Variants in SLC2A13 observed in about 807,000 individuals in gnomAD.
SLC2A13 encodes proton myo-inositol cotransporter.
A neutral mutation model predicts 64.4 loss-of-function variants in SLC2A13; 32 were observed. The observed-to-expected ratio is 0.50, with a 90% confidence interval of 0.37 to 0.67. The LOEUF is 0.67. Ranked by LOEUF, SLC2A13 falls within the 30% of genes least tolerant of loss-of-function variation. The pLI, the probability that SLC2A13 is intolerant of heterozygous loss-of-function variation, is 0.00. For synonymous variants in SLC2A13, 338 were observed against 327.1 expected, an observed-to-expected ratio of 1.03 and a Z score of -0.36; for missense variants, 743 against 829.2, an observed-to-expected ratio of 0.90 and a Z score of 1.28.
intron 7 of SLC2A13, among the ~76,000 whole-genome samples, chr12:39,823,930 T>A (rs1334530722): frequency 6.6e-6 from 1 of 152,218 alleles, no homozygotes; most frequent in Non-Finnish European, 1.5e-5. Flanking sequence ...AATTTTTTCC[T>A]AAGTTTCCTT....
chr12:40,062,842 A>C (rs1948445873), intron 1 of SLC2A13, among the ~76,000 whole-genome samples: 1 of 152,130 alleles, frequency 6.6e-6, no homozygotes. Context: ...ACCCTGCTTT[A>C]TCTATCTTTA....
intron 6 of SLC2A13, among the ~76,000 whole-genome samples, chr12:39,862,693 G>A (rs921737979): frequency 6.6e-6 from 1 of 152,236 alleles, no homozygotes; most frequent in Middle Eastern, 3.4e-3. Context: ...AAGGGGAAAT[G>A]TATATAGATG....
At chr12:39,999,401 TAATA>T (rs1947287151) in intron 3 of SLC2A13, among the ~76,000 whole-genome samples, 1 of 152,106 alleles carries the variant, frequency 6.6e-6, no homozygotes. Flanking sequence ...CAAGGAATAT[TAATA>T]ATTAATACCC....
chr12:39,759,771 A>T lies in SLC2A13; in HGVS notation c.*255T>A, dbSNP rs925262459. The T allele has an allele frequency of 2.4e-6, 1 of 417,994 alleles. No homozygotes were observed. Among genetic ancestry groups the T allele is most frequent in the Non-Finnish European group, 4.3e-6 (1 of 233,484 alleles). The allele number at this position is 417,994 out of a possible 1,614,324, so 25.9% of individuals were successfully genotyped here. ...TACAATATTCATTTTAGACTATTTC[A>T]GGAAGGCATTACACACATTTGCTTA... On this transcript the variant is annotated 3_prime_UTR_variant, in exon 10 of 10. Transcript: ENST00000280871.
Position 39,756,155 on chromosome 12 carries a change from A to G in SLC2A13, c.*3871T>C, listed in dbSNP as rs1314937555. On this transcript the variant is annotated 3_prime_UTR_variant, in exon 10 of 10. Transcript: ENST00000280871. ...AAGATTGGTAAAAGTGACAGAAAAC[A>G]GGATGTAAAAATTAATCCACAGAAC... The G allele has an allele frequency of 6.6e-6, 1 of 152,018 alleles. No homozygotes were observed. The highest frequency in any genetic ancestry group is 1.5e-5 in the Non-Finnish European group (1 of 67,830). 9.4% of individuals were successfully genotyped at this position (152,018 alleles called of 1,614,324 possible). A position where few individuals can be genotyped will look rare whatever the true frequency, so the allele number is the denominator to read the frequency against.
chr12:39,920,420 G>C (rs1387519489), intron 4 of SLC2A13, among the ~76,000 whole-genome samples: 1 of 152,084 alleles, frequency 6.6e-6, no homozygotes, highest in East Asian at 1.9e-4. Flanking sequence ...AATTCAGACT[G>C]AAGGGTTGGC....
chr12:39,814,753 A>C (rs751619625), intron 7 of SLC2A13, among the ~76,000 whole-genome samples: 6 of 152,232 alleles, frequency 3.9e-5, no homozygotes, highest in Non-Finnish European at 8.8e-5. Context: ...GTAAGAAAGA[A>C]ATTTTAAATT....
chr12:40,026,015 C>T (rs764683886), intron 3 of SLC2A13, among the ~76,000 whole-genome samples: 8 of 152,172 alleles, frequency 5.3e-5, no homozygotes, highest in African/African-American at 1.9e-4. Flanking sequence ...GTTCTGCAGA[C>T]CATGTTTTAC....
intron 4 of SLC2A13, among the ~76,000 whole-genome samples, chr12:39,891,233 C>T (rs1944601426): frequency 6.6e-6 from 1 of 151,004 alleles, no homozygotes; most frequent in Non-Finnish European, 1.5e-5. Context: ...TTCTGCTGAG[C>T]TCTGCCTCTG....
chr12:39,844,322 T>C (rs565228873), intron 6 of SLC2A13, among the ~76,000 whole-genome samples: 54 of 152,194 alleles, frequency 3.5e-4, no homozygotes, highest in Admixed American at 1.0e-3. Context: ...TAGTAACAGC[T>C]ATGGAGTCAA....
At chr12:40,044,880 C>T (rs138100348) in intron 2 of SLC2A13, among the ~76,000 whole-genome samples, 2 of 152,210 alleles carry the variant, frequency 1.3e-5, no homozygotes, top group African/African-American at 2.4e-5. Flanking sequence ...AGATTATAAA[C>T]GCTTGAAAGC....
At position 39,908,260 on chromosome 12, in the gene SLC2A13, T is replaced by C. The variant is rs867608710; in HGVS notation, c.1035-36299A>G. 113 of 151,918 alleles carry C rather than the reference T, an allele frequency of 7.4e-4. 2 individuals are homozygous for C. The highest frequency in any genetic ancestry group is 2.7e-3 in the African/African-American group (110 of 41,256). 9.4% of individuals were successfully genotyped at this position (151,918 alleles called of 1,614,324 possible). On this transcript the variant is annotated intron_variant, in intron 4 of 9. Transcript: ENST00000280871. ...TATTATCTTCCTGTTAATTATTCCA[T>C]TATTTCCTAATGTTTTTAATAATAA...
At chr12:39,958,249 T>C (rs146954011) in intron 3 of SLC2A13, among the ~76,000 whole-genome samples, 9 of 152,286 alleles carry the variant, frequency 5.9e-5, no homozygotes, top group African/African-American at 2.2e-4. Context: ...CACCTGTACC[T>C]CTCTGCCTCC....
chr12:39,927,302 C>T (rs1945746515), intron 4 of SLC2A13, among the ~76,000 whole-genome samples: 1 of 151,976 alleles, frequency 6.6e-6, no homozygotes, highest in African/African-American at 2.4e-5. Context: ...CACCAAAATA[C>T]TTAAGGAATT....
intron 3 of SLC2A13, among the ~76,000 whole-genome samples, chr12:39,988,002 C>A (rs1198310169): frequency 6.6e-6 from 1 of 152,116 alleles, no homozygotes; most frequent in Non-Finnish European, 1.5e-5. Context: ...TAATTCTTTG[C>A]CTTGGTCTGA....
Position 40,048,177 on chromosome 12 carries a change from G to T in SLC2A13, c.590C>A (p.Ala197Glu). The change falls in exon 2 of 10, where the codon GCG becomes GAG. Residue 197 changes from alanine to glutamate, a missense_variant. Transcript: ENST00000280871. ...IASMTVPVYI[A>E]EVSPPNLRGR... The stretch of plus-strand genomic sequence containing the variant: ...TCTTAAATTGGGTGGTGAGACCTCC[G>T]CAATGTACACTGGCACTGTCATAGA... 1 of 1,612,538 alleles carries T rather than the reference G, an allele frequency of 6.2e-7. No individual in the cohort carries two copies. The highest frequency in any genetic ancestry group is 8.5e-7 in the Non-Finnish European group (1 of 1,179,446).
At chr12:39,913,635 TAAGCA>T (rs1305606049) in intron 4 of SLC2A13, among the ~76,000 whole-genome samples, 7 of 151,770 alleles carry the variant, frequency 4.6e-5, no homozygotes, top group African/African-American at 7.3e-5. Flanking sequence ...AATAGTACAG[TAAGCA>T]ATTTCAGGAG....
intron 3 of SLC2A13, among the ~76,000 whole-genome samples, chr12:40,013,892 T>C (rs1947574732): frequency 6.6e-6 from 1 of 152,176 alleles, no homozygotes; most frequent in South Asian, 2.1e-4. Context: ...ACTTGCCCAA[T>C]TGTGTAACTG....
intron 5 of SLC2A13, 121 bp from the exon 6 acceptor site, chr12:39,865,003 C>A (rs1335382168): frequency 2.3e-6 from 2 of 886,952 alleles, no homozygotes; most frequent in Non-Finnish European, 1.6e-6. Flanking sequence ...AAAAAAAATA[C>A]CGTGCTCTAT....
Sources: gnomAD v4.1 joint callset for allele counts (sites outside exome capture counted in the v4.1 genomes callset) on GRCh38, gnomAD v4.1.1 for gene constraint, MANE v1.5 for transcripts, NCBI Gene and HGNC (gene_info 2026-07-23, HGNC 2026-07-21) for gene names.